The following PCDHA10 variants were observed in gnomAD, a reference collection of about 807,000 sequenced individuals.
PCDHA10 encodes the protein protocadherin alpha 10.
PCDHA10 carries 45 observed loss-of-function variants against 61.2 expected under a neutral mutation model. The ratio of observed to expected loss-of-function variants is 0.74; its 90% CI spans 0.58 to 0.94. The LOEUF is 0.94. Ranked by LOEUF, PCDHA10 falls within the 40% of genes least tolerant of loss-of-function variation. PCDHA10 has a pLI of 0.00. For synonymous variants in PCDHA10, 602 were observed against 548.8 expected, an observed-to-expected ratio of 1.10 and a Z score of -1.35; for missense variants, 1,278 against 1,236.2, an observed-to-expected ratio of 1.03 and a Z score of -0.51.
At chr5:140,959,712 T>G (rs166567) in intron 1 of PCDHA10, among the ~76,000 whole-genome samples, 1 of 152,020 alleles carries the variant, frequency 6.6e-6, no homozygotes, top group African/African-American at 2.4e-5. Flanking sequence ...AAAGGGAAAA[T>G]TTTTAGATAA....
chr5:140,894,827 T>G (rs2064691411), intron 1 of PCDHA10, among the ~76,000 whole-genome samples: 1 of 152,192 alleles, frequency 6.6e-6, no homozygotes, highest in South Asian at 2.1e-4. Flanking sequence ...TTGCCCATAA[T>G]CCTTTTCTTA....
intron 1 of PCDHA10, among the ~76,000 whole-genome samples, chr5:140,947,069 T>G (rs2094080715): frequency 6.6e-6 from 1 of 151,696 alleles, no homozygotes; most frequent in Admixed American, 6.6e-5. Context: ...AGTGTATATA[T>G]GTATTGAAAC....
chr5:140,981,924 C>T (rs2096957761), intron 2 of PCDHA10, among the ~76,000 whole-genome samples: 1 of 151,968 alleles, frequency 6.6e-6, no homozygotes, highest in African/African-American at 2.4e-5. Flanking sequence ...TCAAGTTTCT[C>T]TAGTCTCAGG....
intron 3 of PCDHA10, among the ~76,000 whole-genome samples, chr5:140,990,304 A>T (rs114506238): frequency 3.9e-5 from 6 of 152,286 alleles, no homozygotes; most frequent in Non-Finnish European, 8.8e-5. Context: ...CATTGTCTGT[A>T]AAAAACCAAC....
At chr5:140,950,065 G>A (rs1403260430) in intron 1 of PCDHA10, among the ~76,000 whole-genome samples, 1 of 151,574 alleles carries the variant, frequency 6.6e-6, no homozygotes, top group Non-Finnish European at 1.5e-5. Context: ...AGCTCTTCCT[G>A]TGCCATTGCT....
intron 1 of PCDHA10, among the ~76,000 whole-genome samples, chr5:140,910,320 A>G (rs1362740704): frequency 1.3e-5 from 2 of 152,212 alleles, no homozygotes; most frequent in African/African-American, 4.8e-5. Flanking sequence ...CATGAGTCAG[A>G]CTATTGTGAT....
At chr5:140,868,018 A>C (rs987390119) in intron 1 of PCDHA10, 14 of 152,136 alleles carry the variant, frequency 9.2e-5, no homozygotes, top group African/African-American at 3.1e-4. Context: ...GATTAAGGAA[A>C]CCAATGTTGG....
At chr5:140,947,371 A>G (rs1468768080) in intron 1 of PCDHA10, among the ~76,000 whole-genome samples, 1 of 151,626 alleles carries the variant, frequency 6.6e-6, no homozygotes, top group Non-Finnish European at 1.5e-5. Context: ...CCTTTGATCT[A>G]TATGTTTATC....
intron 1 of PCDHA10, chr5:140,882,163 GC>G: frequency 6.6e-7 from 1 of 1,509,690 alleles, no homozygotes; most frequent in Non-Finnish European, 8.9e-7. Flanking sequence ...AATACCTCTT[GC>G]GAATCCTTCC....
chr5:140,918,786 A>T (rs2078853629), intron 1 of PCDHA10, among the ~76,000 whole-genome samples: 1 of 147,002 alleles, frequency 6.8e-6, no homozygotes, highest in African/African-American at 2.6e-5. Context: ...ATGTGAGGAC[A>T]CAGCAAAAAT....
At chr5:140,993,462 T>TCACACACACACACACA (rs3836747) in intron 3 of PCDHA10, among the ~76,000 whole-genome samples, 10 of 140,938 alleles carry the variant, frequency 7.1e-5, no homozygotes, top group African/African-American at 2.4e-4. Flanking sequence ...TCTTTCTTTC[T>TCACACACACACACACA]CACACACACA....
chr5:140,966,800 G>T, intron 1 of PCDHA10: 1 of 1,540,654 alleles, frequency 6.5e-7, no homozygotes, highest in East Asian at 2.4e-5. Flanking sequence ...TGCGGCGACA[G>T]AGCATCCACG....
chr5:140,906,963 G>A (rs150934602), intron 1 of PCDHA10, among the ~76,000 whole-genome samples: 2 of 152,098 alleles, frequency 1.3e-5, no homozygotes, highest in South Asian at 2.1e-4. Flanking sequence ...TAATGGAATC[G>A]TGGTTGTGTC....
chr5:140,871,570 T>A, intron 1 of PCDHA10: 1 of 1,480,760 alleles, frequency 6.8e-7, no homozygotes, highest in Non-Finnish European at 9.0e-7. Context: ...TTCACGGATT[T>A]TTTAAGGGAA....
At chr5:140,867,118 T>C (rs2049765139) in intron 1 of PCDHA10, 1 of 152,172 alleles carries the variant, frequency 6.6e-6, no homozygotes, top group Admixed American at 6.5e-5. Context: ...CATATTGTTT[T>C]AATTCAAATA....
At chr5:140,936,512 A>G (rs575884793) in intron 1 of PCDHA10, among the ~76,000 whole-genome samples, 1 of 152,324 alleles carries the variant, frequency 6.6e-6, no homozygotes, top group Non-Finnish European at 1.5e-5. Context: ...TAGATCTTAA[A>G]TTACCTGAAA....
chr5:140,857,681 G>C lies in PCDHA10; in HGVS notation c.1633G>C (p.Gly545Arg), dbSNP rs2044790199. 3 of 1,596,838 alleles carry C rather than the reference G, an allele frequency of 1.9e-6. No individual in the cohort carries two copies. In the African/African-American group the frequency reaches 4.0e-5, roughly 22 times the overall value. The stretch of plus-strand genomic sequence containing the variant: ...GCGCGATGGGGGCGTGCCGCCTCTG[G>C]GCAGCAACTTGACGCTGCAGGTGTT... ...SARDGGVPPL[G>R]SNLTLQVFVL... Residue 545 changes from glycine to arginine, a missense_variant, in exon 1 of 4, where the codon GGC (glycine) becomes CGC (arginine). By Grantham distance (125) the Gly-to-Arg change is moderately radical (BLOSUM62 -2). Transcript: ENST00000307360.
At chr5:140,929,370 C>T in intron 1 of PCDHA10, 1 of 1,515,732 alleles carries the variant, frequency 6.6e-7, no homozygotes, top group Non-Finnish European at 8.8e-7. Flanking sequence ...CCGGAGATGG[C>T]TGCTAGCTGT....
At chr5:140,987,395 G>A (rs1438598842) in intron 3 of PCDHA10, among the ~76,000 whole-genome samples, 1 of 152,166 alleles carries the variant, frequency 6.6e-6, no homozygotes, top group East Asian at 1.9e-4. Flanking sequence ...ATGCAAGGAA[G>A]CCATCTGTTT....
Sources: gnomAD v4.1 joint callset for allele counts (sites outside exome capture counted in the v4.1 genomes callset) on GRCh38, gnomAD v4.1.1 for gene constraint, MANE v1.5 for transcripts, NCBI Gene and HGNC (gene_info 2026-07-23, HGNC 2026-07-21) for gene names.